Variants in FAM227B observed in about 807,000 individuals in gnomAD.
FAM227B encodes the protein family with sequence similarity 227 member B, also known as protein FAM227B.
In FAM227B, 88 loss-of-function variants were observed where a neutral mutation model predicts 73.8. The ratio of observed to expected loss-of-function variants is 1.19; its 90% CI spans 1.00 to 1.42. FAM227B has a LOEUF of 1.42. Among genes scored for constraint, FAM227B ranks in the 40% most tolerant of loss-of-function variants. The probability of loss-of-function intolerance (pLI) is 0.00; values close to 1 mark genes in which losing one functional copy is unlikely to be tolerated. For missense variants in FAM227B, 632 were observed against 590.9 expected (o/e 1.07, Z -0.72); for synonymous variants, 210 against 190.5 (o/e 1.10, Z -0.84).
chr15:49,392,143 A>C (rs2047251688), intron 11 of FAM227B, among the ~76,000 whole-genome samples: 1 of 152,156 alleles, frequency 6.6e-6, no homozygotes, highest in South Asian at 2.1e-4. Context: ...ATCTATTATA[A>C]ATTTAATATG....
At chr15:49,574,076 A>T (rs1187397801) in intron 8 of FAM227B, among the ~76,000 whole-genome samples, 4 of 151,026 alleles carry the variant, frequency 2.6e-5, no homozygotes, top group African/African-American at 9.7e-5. Context: ...ATGATGGATT[A>T]AAAAAAAACT....
chr15:49,392,425 CTG>C (rs1415349710), intron 11 of FAM227B, among the ~76,000 whole-genome samples: 10 of 152,242 alleles, frequency 6.6e-5, no homozygotes, highest in African/African-American at 4.8e-5. Flanking sequence ...GCAAAAGAGA[CTG>C]TGCAATGAGG....
intron 11 of FAM227B, among the ~76,000 whole-genome samples, chr15:49,380,089 G>A (rs1215839838): frequency 6.6e-6 from 1 of 152,152 alleles, no homozygotes; most frequent in Non-Finnish European, 1.5e-5. Flanking sequence ...CAGCTGAGCT[G>A]GCACTCAAAC....
chr15:49,483,144 C>T (rs1567367103), intron 11 of FAM227B: 1 of 1,482,410 alleles, frequency 6.7e-7, no homozygotes. Flanking sequence ...TCTGTGATTC[C>T]TTGCAGATAT....
At chr15:49,528,846 G>C (rs1004085331) in intron 10 of FAM227B, among the ~76,000 whole-genome samples, 9 of 151,756 alleles carry the variant, frequency 5.9e-5, no homozygotes, top group African/African-American at 2.2e-4. Flanking sequence ...TGAGGATGTG[G>C]AGAAAAGGTA....
chr15:49,376,256 C>G (rs142809518), intron 11 of FAM227B, among the ~76,000 whole-genome samples: 185 of 152,100 alleles, frequency 1.2e-3, no homozygotes, highest in African/African-American at 4.3e-3. Flanking sequence ...ATATTTTTAG[C>G]TATTATATTT....
intron 14 of FAM227B, among the ~76,000 whole-genome samples, chr15:49,333,032 CCTT>C (rs1372662929): frequency 6.6e-6 from 1 of 152,152 alleles, no homozygotes; most frequent in Non-Finnish European, 1.5e-5. Flanking sequence ...CTCAGTAACA[CCTT>C]CTTAGAATCT....
intron 12 of FAM227B, among the ~76,000 whole-genome samples, chr15:49,368,830 T>G (rs2045569195): frequency 6.6e-6 from 1 of 152,200 alleles, no homozygotes; most frequent in Non-Finnish European, 1.5e-5. Flanking sequence ...TTATCAGTTA[T>G]TAAGTTAAGA....
intron 11 of FAM227B, among the ~76,000 whole-genome samples, chr15:49,447,027 ACT>A (rs952853619): frequency 1.1e-4 from 17 of 151,638 alleles, no homozygotes; most frequent in African/African-American, 3.9e-4. Flanking sequence ...GGGTGCGGGA[ACT>A]CATCCTGAAT....
intron 9 of FAM227B, among the ~76,000 whole-genome samples, chr15:49,547,940 T>A (rs2072189837): frequency 6.6e-6 from 1 of 152,114 alleles, no homozygotes; most frequent in South Asian, 2.1e-4. Context: ...AACAAAGAAA[T>A]AATGGACATA....
At chr15:49,489,887 G>T (rs868568530) in intron 11 of FAM227B, among the ~76,000 whole-genome samples, 561 of 16,646 alleles carry the variant, frequency 0.034, 29 homozygotes, top group East Asian at 0.065. Context: ...TATATATAGA[G>T]AGAGAGAGAG....
intron 11 of FAM227B, among the ~76,000 whole-genome samples, chr15:49,413,889 T>C (rs572174481): frequency 6.6e-6 from 1 of 151,632 alleles, no homozygotes; most frequent in South Asian, 2.1e-4. Flanking sequence ...TCTGATTTCT[T>C]CTCATGTATC....
intron 11 of FAM227B, among the ~76,000 whole-genome samples, chr15:49,452,293 T>C (rs2052828252): frequency 6.6e-6 from 1 of 152,178 alleles, no homozygotes; most frequent in African/African-American, 2.4e-5. Flanking sequence ...CCTCAAGTTA[T>C]CTGCCTGCCT....
intron 3 of FAM227B, 34 bp downstream of exon 3, chr15:49,611,181 T>C (rs755888994): frequency 2.3e-6 from 3 of 1,289,492 alleles, no homozygotes; most frequent in South Asian, 1.2e-5. Context: ...TTTAAAATGA[T>C]GTAATGGCAC....
rs200022092 is a variant in FAM227B at position 49,575,009 on chromosome 15, A to G, written c.645+2T>C. 10 of 1,544,750 alleles carry G rather than the reference A, an allele frequency of 6.5e-6. No homozygotes were observed. Among genetic ancestry groups the G allele is most frequent in the Non-Finnish European group, 7.1e-6 (8 of 1,133,412 alleles). ...AAAATAAATTTTTAAAAATCACTATACCCTAAATTTATGGAGAAACCACCA... is the reference window on the plus strand; with the variant it reads ...AAAATAAATTTTTAAAAATCACTATGCCCTAAATTTATGGAGAAACCACCA... On this transcript the variant is annotated splice_donor_variant, in intron 8 of 15. Transcript: ENST00000299338. LOFTEE classifies it high-confidence loss of function.
At chr15:49,541,604 G>A (rs2152272181) in intron 10 of FAM227B, 76 bp downstream of exon 10, 3 of 1,242,318 alleles carry the variant, frequency 2.4e-6, no homozygotes, top group Non-Finnish European at 2.1e-6. Context: ...ATTTTTGGAT[G>A]GAATAAATAA....
At chr15:49,451,261 T>C (rs930707069) in intron 11 of FAM227B, among the ~76,000 whole-genome samples, 1 of 152,098 alleles carries the variant, frequency 6.6e-6, no homozygotes, top group African/African-American at 2.4e-5. Context: ...GACAACTACA[T>C]ATATTGCATA....
intron 10 of FAM227B, among the ~76,000 whole-genome samples, chr15:49,535,764 C>T (rs2060960728): frequency 6.6e-6 from 1 of 151,780 alleles, no homozygotes; most frequent in Non-Finnish European, 1.5e-5. Context: ...TTAATAAATG[C>T]AATTCAATCA....
intron 11 of FAM227B, among the ~76,000 whole-genome samples, chr15:49,506,730 T>C (rs973237306): frequency 6.6e-6 from 1 of 152,000 alleles, no homozygotes; most frequent in African/African-American, 2.4e-5. Flanking sequence ...AAAGTAGGAA[T>C]TACAGTAAAT....
Sources: gnomAD v4.1 joint callset for allele counts (sites outside exome capture counted in the v4.1 genomes callset) on GRCh38, gnomAD v4.1.1 for gene constraint, MANE v1.5 for transcripts, NCBI Gene and HGNC (gene_info 2026-07-23, HGNC 2026-07-21) for gene names.